Variants in CDH23 observed in about 807,000 individuals in gnomAD.
CDH23 encodes cadherin related 23.
Under a neutral mutation model 317.1 loss-of-function variants are expected in CDH23, and 189 were observed. That is an observed-to-expected ratio of 0.60 (90% CI 0.53 to 0.67). CDH23 has a LOEUF of 0.67. Ranked by LOEUF, CDH23 falls within the 30% of genes least tolerant of loss-of-function variation. The pLI is 0.00. For synonymous variants in CDH23, 1,839 were observed against 1,876.8 expected, an observed-to-expected ratio of 0.98 and a Z score of 0.52; for missense variants, 4,401 against 4,592.4, an observed-to-expected ratio of 0.96 and a Z score of 1.20.
rs745433741 is a variant in CDH23, at chr10:71,790,389, C to T, written c.6025C>T (p.Leu2009Phe). The change falls in exon 46 of 70, where the codon CTC becomes TTC. Residue 2009 changes from leucine to phenylalanine, a missense_variant. Transcript: ENST00000224721. ...CCAGCTGCTGGGTGCCCAGAGTGGC[C>T]TCTTTGACATCAACAGCAGCACCGG... ...TYQLLGAQSG[L>F]FDINSSTGVV... The T allele has an allele frequency of 3.0e-5, 49 of 1,613,374 alleles. No individual in the cohort carries two copies. Among genetic ancestry groups the T allele is most frequent in the Non-Finnish European group, 3.6e-5 (43 of 1,179,806 alleles).
intron 19 of CDH23, among the ~76,000 whole-genome samples, chr10:71,689,835 C>G (rs1273544354): frequency 6.6e-6 from 1 of 152,168 alleles, no homozygotes; most frequent in Non-Finnish European, 1.5e-5. Flanking sequence ...CACCGGACCT[C>G]CTCACCACTG....
chr10:71,714,611 G>A (rs1012493859), intron 28 of CDH23: 4 of 152,304 alleles, frequency 2.6e-5, no homozygotes. Context: ...GGATCAAGAT[G>A]AGGCTAGAAA....
chr10:71,486,227 G>T (rs1852340072), intron 3 of CDH23, among the ~76,000 whole-genome samples: 1 of 152,186 alleles, frequency 6.6e-6, no homozygotes, highest in African/African-American at 2.4e-5. Context: ...ACTAGTCCCT[G>T]TCTCCTCTGC....
intron 3 of CDH23, among the ~76,000 whole-genome samples, chr10:71,461,382 C>G (rs1276002054): frequency 6.6e-6 from 1 of 152,230 alleles, no homozygotes; most frequent in Non-Finnish European, 1.5e-5. Context: ...AAGTACCTGT[C>G]AGCCCACAAG....
chr10:71,814,396 C>G (rs995642311), intron 69 of CDH23, among the ~76,000 whole-genome samples: 11 of 152,210 alleles, frequency 7.2e-5, no homozygotes, highest in African/African-American at 2.4e-4. Flanking sequence ...GCCTGGGCAA[C>G]AGAGAGAAAC....
chr10:71,490,582 C>T (rs1392018753), intron 3 of CDH23, among the ~76,000 whole-genome samples: 1 of 152,204 alleles, frequency 6.6e-6, no homozygotes, highest in Non-Finnish European at 1.5e-5. Context: ...CTTTCCAAAG[C>T]TGAACAGTAG....
intron 6 of CDH23, among the ~76,000 whole-genome samples, chr10:71,558,770 G>A (rs1468662706): frequency 6.6e-6 from 1 of 152,192 alleles, no homozygotes; most frequent in East Asian, 1.9e-4. Context: ...CTGTTCTTTC[G>A]AGGGATCTGC....
chr10:71,497,806 G>A (rs1384741743), intron 3 of CDH23, among the ~76,000 whole-genome samples: 1 of 152,204 alleles, frequency 6.6e-6, no homozygotes, highest in Non-Finnish European at 1.5e-5. Flanking sequence ...CTGGTTGACT[G>A]TGGACTTGTC....
chr10:71,512,384 A>G, intron 6 of CDH23: 1 of 152,246 alleles, frequency 6.6e-6, no homozygotes, highest in Non-Finnish European at 1.5e-5. Context: ...GGGAGCCCGC[A>G]GTCCTAAACA....
At position 71,577,926 on chromosome 10, in the gene CDH23, C is replaced by G. The variant is rs779764465; in HGVS notation, c.766C>G (p.Arg256Gly). Reference protein sequence around the residue: ...YEHSPPGTTVRIITAIDQDKG... With the variant: ...YEHSPPGTTVGIITAIDQDKG... ...CTCTTCTGCCCAGGGCACGACGGTG[C>G]GCATCATCACCGCCATAGACCAGGA... is the stretch of plus-strand genomic sequence containing the variant. Residue 256 changes from arginine (R) to glycine (G), a missense_variant, in exon 9 of 70, where the codon CGC (arginine) becomes GGC (glycine). By Grantham distance (125) the Arg-to-Gly change is moderately radical. This residue lies in a region of CDH23 where 3,068 missense variants were observed against 3,203.3 expected (regional missense o/e 0.96). Transcript: ENST00000224721. 1 of 1,599,620 alleles carries G rather than the reference C, an allele frequency of 6.3e-7. No individual in the cohort carries two copies.
chr10:71,646,661 C>A, intron 14 of CDH23, 44 bp downstream of exon 14: 2 of 1,613,944 alleles, frequency 1.2e-6, no homozygotes, highest in Non-Finnish European at 1.7e-6. Flanking sequence ...TCTCCAGGGC[C>A]GACTGTGGTG....
chr10:71,534,102 C>T lies in CDH23; in HGVS notation c.429+22890C>T, dbSNP rs562638451. ...CTCAGGGCACTGCTGCATCCCTTTG[C>T]GCCGAGATGCCCAATCTTGTCCCCA... On this transcript the variant is annotated intron_variant, in intron 6 of 69. Transcript: ENST00000224721. 2.3e-3 allele frequency among the ~76,000 whole-genome samples: 344 copies of T among 152,232 alleles called. 2 individuals are homozygous for T. The highest frequency in any genetic ancestry group is 8.0e-3 in the African/African-American group (331 of 41,526).
chr10:71,716,191 C>T, intron 28 of CDH23: 1 of 1,550,944 alleles, frequency 6.4e-7, no homozygotes, highest in Non-Finnish European at 8.7e-7. Context: ...GACAGGTGGC[C>T]AGCAGGAGGA....
chr10:71,483,500 C>T (rs1393225368), intron 3 of CDH23, among the ~76,000 whole-genome samples: 1 of 152,188 alleles, frequency 6.6e-6, no homozygotes, highest in Non-Finnish European at 1.5e-5. Context: ...TGCCCTGTTC[C>T]CAGCCTCCCT....
At chr10:71,733,501 AC>A (rs1839458929) in intron 32 of CDH23, among the ~76,000 whole-genome samples, 1 of 152,340 alleles carries the variant, frequency 6.6e-6, no homozygotes, top group African/African-American at 2.4e-5. Flanking sequence ...CGAGGACCCC[AC>A]CAAGAGTTGC....
chr10:71,428,154 T>G (rs1849197123), intron 1 of CDH23, among the ~76,000 whole-genome samples: 1 of 151,072 alleles, frequency 6.6e-6, no homozygotes, highest in Non-Finnish European at 1.5e-5. Flanking sequence ...TTTTTTTTTT[T>G]TTTGAAACAG....
rs1270436427 is a variant in CDH23 at position 71,751,697 on chromosome 10, C to T, written c.4845+9776C>T. On this transcript the variant is annotated intron_variant, in intron 38 of 69. Coordinates refer to ENST00000224721, the MANE Select transcript of CDH23 (RefSeq NM_022124.6). The surrounding 1 kb of genome is among the most constrained non-coding windows in gnomAD (Gnocchi z 4.9). Reference sequence around the variant, plus strand: ...GGATGGGAAGAAGACGTCTCCGGGGCCTGGAGGAGACAGGGGGGTGCTGGG... The same window carrying T: ...GGATGGGAAGAAGACGTCTCCGGGGTCTGGAGGAGACAGGGGGGTGCTGGG... The T allele has an allele frequency of 2.6e-6, 4 of 1,551,380 alleles. No individual in the cohort carries two copies. The highest frequency in any genetic ancestry group is 1.2e-5 in the South Asian group (1 of 81,606).
intron 3 of CDH23, among the ~76,000 whole-genome samples, chr10:71,460,147 GTCTC>G (rs1215043057): frequency 6.6e-6 from 1 of 152,058 alleles, no homozygotes; most frequent in Non-Finnish European, 1.5e-5. Context: ...AAGCCCACAT[GTCTC>G]TCTCTCTCTC....
chr10:71,763,168 A>ATT (rs1840440227), intron 38 of CDH23, among the ~76,000 whole-genome samples: 5 of 152,054 alleles, frequency 3.3e-5, no homozygotes, highest in Admixed American at 3.3e-4. Context: ...CGTTGGTGTT[A>ATT]TTTTTATTTA....
Sources: gnomAD v4.1 joint callset for allele counts (sites outside exome capture counted in the v4.1 genomes callset) on GRCh38, gnomAD v4.1.1 for gene constraint, gnomAD v4.1.1 regional missense constraint, Gnocchi (gnomAD v3.1) non-coding constraint, MANE v1.5 for transcripts, NCBI Gene and HGNC (gene_info 2026-07-23, HGNC 2026-07-21) for gene names.